Variants in PLEKHG4B observed in about 807,000 individuals in gnomAD.
The protein encoded by PLEKHG4B is pleckstrin homology and RhoGEF domain containing G4B.
A neutral mutation model predicts 121.3 loss-of-function variants in PLEKHG4B; 111 were observed. The observed-to-expected ratio is 0.92, with a 90% CI of 0.78 to 1.07. The LOEUF (loss-of-function observed/expected upper bound fraction) is 1.07. PLEKHG4B is among the 50% of genes least tolerant of loss of function. The pLI, the probability that PLEKHG4B is intolerant of heterozygous loss-of-function variation, is 0.00. For synonymous variants in PLEKHG4B, 738 were observed against 725.0 expected, an observed-to-expected ratio of 1.02 and a Z score of -0.29; for missense variants, 1,831 against 1,757.8, an observed-to-expected ratio of 1.04 and a Z score of -0.74.
intron 18 of PLEKHG4B, among the ~76,000 whole-genome samples, chr5:175,614 A>AC (rs768329308): frequency 0.01 from 1,128 of 111,492 alleles, 15 homozygotes; most frequent in African/African-American, 0.035. Context: ...CTGAGCCCTG[A>AC]CCCCTCCAGG....
Position 163,157 on chromosome 5 carries a change from G to C in PLEKHG4B, c.3085G>C (p.Gly1029Arg). ...CGQDGETLRP[G>R]LCALWDPLSL... ...ACAGGACGGGGAGACCCTGCGCCCA[G>C]GGCTGTGTGCTCTGTGGGACCCACT... Residue 1029 changes from glycine to arginine, a missense_variant, in exon 13 of 20, where the codon GGG (glycine) becomes CGG (arginine). By Grantham distance (125) the Gly-to-Arg change is moderately radical. Coordinates refer to ENST00000637938, the MANE Select transcript of PLEKHG4B (RefSeq NM_052909.5). The C allele has an allele frequency of 6.4e-7, 1 of 1,562,466 alleles. No homozygotes were observed. The highest frequency in any genetic ancestry group is 8.7e-7 in the Non-Finnish European group (1 of 1,155,152).
rs763476090 is a variant in PLEKHG4B, at chr5:163,417, C to T, written c.3345C>T (p.Ser1115=). 3.1e-6 allele frequency: 5 copies of T among 1,612,866 alleles called. No homozygotes were observed. The South Asian group carries it at 3.3e-5, about 11-fold the overall frequency. The part of the protein sequence containing the change: ...SVFSKGLEVT[S]TVATEKKLPL... ...TCAGCAAGGGCCTGGAGGTAACCAG[C>T]ACTGTAGCCACAGAGAAGAAGCTCC... Residue 1115 remains serine (S), a synonymous_variant, in exon 13 of 20, where the codon AGC becomes AGT. Transcript: ENST00000637938.
Position 171,386 on chromosome 5 carries a change from G to C in PLEKHG4B, c.3992G>C (p.Cys1331Ser), listed in dbSNP as rs923291673. The stretch of plus-strand genomic sequence containing the variant: ...CTCCGAGCCGCCGAGGTCGTGGTCT[G>C]CTTCCAGCTGCGTCACGGCAATGAC... ...GELRAAEVVV[C>S]FQLRHGNDLL... The change falls in exon 16 of 20, where the codon TGC becomes TCC. Residue 1331 changes from cysteine to serine, a missense_variant. By Grantham distance (112) the Cys-to-Ser change is moderately radical. Transcript: ENST00000637938. 6.2e-7 allele frequency: 1 copy of C among 1,609,700 alleles called. No homozygotes were observed. Among genetic ancestry groups the C allele is most frequent in the East Asian group, 2.2e-5 (1 of 44,874 alleles).
Position 161,851 on chromosome 5 carries a change from T to C in PLEKHG4B, c.2556T>C (p.Asp852=), listed in dbSNP as rs762318229. The change falls in exon 12 of 20, where the codon GAT becomes GAC. Residue 852 remains aspartate (D), a synonymous_variant. Transcript: ENST00000637938. ...AACGTACAGAGGAAATGGTCCAGGA[T>C]TTCAGAAGGGGCCTGAGCGCCGTGG... ...NPQRTEEMVQ[D]FRRGLSAVVS... The C allele has an allele frequency of 6.2e-7, 1 of 1,613,916 alleles. No homozygotes were observed. The highest frequency in any genetic ancestry group is 8.5e-7 in the Non-Finnish European group (1 of 1,180,020).
At chr5:95,608 A>G (rs116647757) in intron 1 of PLEKHG4B, among the ~76,000 whole-genome samples, 2,297 of 152,188 alleles carry the variant, frequency 0.015, 62 homozygotes, top group African/African-American at 0.052. Flanking sequence ...GCCTTATTCT[A>G]AGACAAATTT....
intron 13 of PLEKHG4B, among the ~76,000 whole-genome samples, chr5:164,853 G>T (rs1482161620): frequency 1.5e-4 from 15 of 99,262 alleles, no homozygotes; most frequent in African/African-American, 8.0e-4. Flanking sequence ...TGCTGTGACA[G>T]GGGGCGGGGC....
chr5:113,559 C>T lies in PLEKHG4B; in HGVS notation c.243+111C>T. The T allele has an allele frequency of 2.5e-6, 1 of 398,102 alleles. No individual in the cohort carries two copies. Among genetic ancestry groups the T allele is most frequent in the Admixed American group, 4.4e-5 (1 of 22,740 alleles). The allele number at this position is 398,102 out of a possible 1,614,324, so 24.7% of individuals were successfully genotyped here. ...CAGGGCACTGGCTCAGTTCTTTCCT[C>T]TGGCTTCTGGCTCCTCCCACCCTCA... On this transcript the variant is annotated intron_variant, in intron 2 of 19. Transcript: ENST00000637938. This position sits in a 1 kb window ranked among gnomAD's most constrained non-coding sequence, Gnocchi z 5.2.
intron 2 of PLEKHG4B, among the ~76,000 whole-genome samples, chr5:138,541 G>A (rs1444285132): frequency 6.6e-6 from 1 of 152,208 alleles, no homozygotes; most frequent in Non-Finnish European, 1.5e-5. Flanking sequence ...TAAGTTTTTA[G>A]CGCATTTTTA....
rs1245049723 is a variant in PLEKHG4B, at chr5:144,905, C to T, written c.1890C>T (p.Ala630=). 6.2e-7 allele frequency: 1 copy of T among 1,613,208 alleles called. No homozygotes were observed. ...CAGCTGCCCCTGCCGTCTCCCAGGC[C>T]CTCTCAGGATTGCAGGTACGGCAAG... ...RSPAAPAVSQ[A]LSGLQNNTSP... The change falls in exon 6 of 20, where the codon GCC becomes GCT. Residue 630 remains alanine (A), a synonymous_variant. Coordinates refer to ENST00000637938, the MANE Select transcript of PLEKHG4B (RefSeq NM_052909.5).
chr5:163,529 G>A lies in PLEKHG4B; in HGVS notation c.3457G>A (p.Gly1153Arg). ...PSGLHPAEED[G>R]RQQVGSSRLR... ...GGGGCTCCACCCTGCTGAGGAGGAT[G>A]GGAGGCAGCAGGTGGGCAGGTGAGG... The change falls in exon 13 of 20, where the codon GGG (glycine) becomes AGG (arginine). Residue 1153 changes from glycine to arginine, a missense_variant. Transcript: ENST00000637938. 1.2e-6 allele frequency: 2 copies of A among 1,602,438 alleles called. No homozygotes were observed. The highest frequency in any genetic ancestry group is 1.7e-6 in the Non-Finnish European group (2 of 1,174,390).
intron 11 of PLEKHG4B, among the ~76,000 whole-genome samples, chr5:158,288 C>T (rs540912265): frequency 1.4e-5 from 2 of 144,366 alleles, no homozygotes; most frequent in Non-Finnish European, 3.0e-5. Context: ...CTCCCTCTGC[C>T]CATCCTGGGG....
intron 12 of PLEKHG4B, 43 bp from the exon 13 acceptor site, chr5:162,679 C>T (rs1736057876): frequency 1.5e-6 from 2 of 1,303,830 alleles, no homozygotes; most frequent in African/African-American, 1.5e-5. Flanking sequence ...TCCAGGGCAG[C>T]CCCTCCTCCA....
intron 18 of PLEKHG4B, among the ~76,000 whole-genome samples, chr5:180,531 C>CA (rs1280709247): frequency 2.6e-5 from 4 of 152,132 alleles, no homozygotes; most frequent in African/African-American, 7.2e-5. Context: ...GGCCTGTGAA[C>CA]GCCACATCTG....
In PLEKHG4B at chr5:172,216, G is replaced by A. The variant is rs759965916; in HGVS notation, c.4051-681G>A. ...TCTTCCTGGTCACTTGTGTGGAGGC[G>A]CCTCAGGCTGTCCCAGCATCCTCAG... On this transcript the variant is annotated intron_variant, in intron 16 of 19. Coordinates refer to ENST00000637938, the MANE Select transcript of PLEKHG4B (RefSeq NM_052909.5). 6.6e-5 allele frequency among the ~76,000 whole-genome samples: 10 copies of A among 152,226 alleles called. No individual in the cohort carries two copies. The South Asian group carries it at 1.0e-3, about 16-fold the overall frequency.
intron 2 of PLEKHG4B, among the ~76,000 whole-genome samples, chr5:125,907 A>G (rs1734599589): frequency 6.6e-6 from 1 of 152,084 alleles, no homozygotes; most frequent in Non-Finnish European, 1.5e-5. Flanking sequence ...TTCTTTTATC[A>G]TTTTGAATGT....
At chr5:104,004 T>C (rs1733897938) in intron 1 of PLEKHG4B, among the ~76,000 whole-genome samples, 1 of 152,102 alleles carries the variant, frequency 6.6e-6, no homozygotes. Context: ...CACAGCCCAG[T>C]CCCAGCACCG....
In PLEKHG4B at chr5:172,885, G is replaced by T. The variant is rs775368935; in HGVS notation, c.4051-12G>T. 3.0e-5 allele frequency: 48 copies of T among 1,613,942 alleles called. No homozygotes were observed. Among genetic ancestry groups the T allele is most frequent in the Non-Finnish European group, 4.0e-5 (47 of 1,179,966 alleles). On this transcript the variant is annotated splice_polypyrimidine_tract_variant and intron_variant, in intron 16 of 19. Coordinates refer to ENST00000637938, the MANE Select transcript of PLEKHG4B (RefSeq NM_052909.5). ...TTTCTTGGATGAAATCCACCTGTGT[G>T]TTCCTCTGCAGGTGAATTTGAAGGA... is the stretch of plus-strand genomic sequence containing the variant.
intron 6 of PLEKHG4B, among the ~76,000 whole-genome samples, chr5:150,884 C>T (rs1193855468): frequency 5.9e-5 from 9 of 152,198 alleles, no homozygotes; most frequent in Non-Finnish European, 1.0e-4. Flanking sequence ...CTTGTGTTCA[C>T]ACAATATTTA....
intron 13 of PLEKHG4B, among the ~76,000 whole-genome samples, chr5:168,044 C>T (rs746178245): frequency 6.6e-6 from 1 of 152,216 alleles, no homozygotes; most frequent in Non-Finnish European, 1.5e-5. Context: ...CTCAGGGCAA[C>T]ACGAGTGGAT....
Sources: gnomAD v4.1 joint callset for allele counts (sites outside exome capture counted in the v4.1 genomes callset) on GRCh38, gnomAD v4.1.1 for gene constraint, Gnocchi (gnomAD v3.1) non-coding constraint, MANE v1.5 for transcripts, NCBI Gene and HGNC (gene_info 2026-07-23, HGNC 2026-07-21) for gene names.